ZNF69: variants seen among roughly 807,000 people sequenced by gnomAD.
ZNF69 encodes zinc finger protein 69, also known as ZNF3.
In ZNF69, 47 loss-of-function variants were observed where a neutral mutation model predicts 50.9. The observed-to-expected ratio is 0.92, with a 90% CI of 0.73 to 1.18. The LOEUF (loss-of-function observed/expected upper bound fraction) is 1.18, where lower values mean the gene tolerates loss of function less well. Among genes scored for constraint, ZNF69 ranks in the 50% most tolerant of loss-of-function variants. The pLI, the probability that ZNF69 is intolerant of heterozygous loss-of-function variation, is 0.00. For missense variants in ZNF69, 717 were observed against 675.1 expected (o/e 1.06, Z -0.69); for synonymous variants, 216 against 223.1 (o/e 0.97, Z 0.29).
chr19:11,974,069 T>TTTTCTTTCTTTCTTTTCTTTCTTTC, the ZNF69 span, among the ~76,000 whole-genome samples: 1 of 114,776 alleles, frequency 8.7e-6, no homozygotes, highest in African/African-American at 3.2e-5. Context: ...TCCTTCTTTC[T>TTTTCTTTCTTTCTTTTCTTTCTTTC]TTTCTTTCTT....
At chr19:11,888,021 G>T in intron 1 of ZNF69, 35 bp downstream of exon 1, 1 of 1,603,916 alleles carries the variant, frequency 6.2e-7, no homozygotes, top group Non-Finnish European at 8.5e-7. Flanking sequence ...TGAGACGGGG[G>T]AGGGGCTGCC....
chr19:11,928,668 C>A, the ZNF69 span, among the ~76,000 whole-genome samples: 1 of 143,192 alleles, frequency 7.0e-6, no homozygotes, highest in African/African-American at 2.7e-5. Flanking sequence ...GGAGGCGGAG[C>A]TTGCAGTGAG....
the ZNF69 span, among the ~76,000 whole-genome samples, chr19:11,934,497 GTTTTCTTTT>G: frequency 6.8e-6 from 1 of 148,016 alleles, no homozygotes; most frequent in Non-Finnish European, 1.5e-5. Flanking sequence ...CTGCCTCATT[GTTTTCTTTT>G]TTTTCTTTTT....
In ZNF69 at chr19:11,906,051, C is replaced by T. The variant is rs1349606373; in HGVS notation, c.1654C>T (p.His552Tyr). 1 of 1,613,068 alleles carries T rather than the reference C, an allele frequency of 6.2e-7. No individual in the cohort carries two copies. The highest frequency in any genetic ancestry group is 8.5e-7 in the Non-Finnish European group (1 of 1,179,668). Reference sequence around the variant, plus strand: ...CAGAGCTGCCTCAGTCCTTCGAATGCATGGTAGGACTCACCCTGAAGATAA... The same window carrying T: ...CAGAGCTGCCTCAGTCCTTCGAATGTATGGTAGGACTCACCCTGAAGATAA... ...AFRAASVLRM[H>Y]GRTHPEDKPY... is the part of the protein sequence containing the mutation. The change falls in exon 4 of 4, where the codon CAT (histidine) becomes TAT (tyrosine). Residue 552 changes from histidine (H) to tyrosine (Y), a missense_variant. By Grantham distance (83) the His-to-Tyr change is moderately conservative. Coordinates refer to ENST00000429654, the MANE Select transcript of ZNF69 (RefSeq NM_001364730.1).
the ZNF69 span, among the ~76,000 whole-genome samples, chr19:11,963,088 A>AGAGTGT: frequency 2.2e-5 from 3 of 138,248 alleles, no homozygotes; most frequent in African/African-American, 9.1e-5. Context: ...AGAGAGAGAG[A>AGAGTGT]GTGTGTGTGT....
chr19:11,963,717 C>A, the ZNF69 span, among the ~76,000 whole-genome samples: 1 of 152,150 alleles, frequency 6.6e-6, no homozygotes, highest in African/African-American at 2.4e-5. Context: ...TCTCTTCTCC[C>A]CAAGCGTCCT....
downstream of ZNF69, among the ~76,000 whole-genome samples, chr19:11,915,381 C>T (rs1184679136): frequency 6.6e-6 from 1 of 152,242 alleles, no homozygotes; most frequent in East Asian, 1.9e-4. Context: ...TGGCCAATGA[C>T]AATGACAATG....
intron 1 of ZNF69, among the ~76,000 whole-genome samples, chr19:11,898,385 CTTTTTTTT>C (rs745487579): frequency 3.3e-5 from 3 of 91,874 alleles, no homozygotes; most frequent in South Asian, 3.6e-4. Context: ...TTCCTCCTGG[CTTTTTTTT>C]TTTTTTTTTT....
At chr19:11,934,025 A>G in the ZNF69 span, among the ~76,000 whole-genome samples, 1 of 147,406 alleles carries the variant, frequency 6.8e-6, no homozygotes, top group Admixed American at 6.7e-5. Context: ...GGGTGTTACC[A>G]TAGTTTCTTT....
chr19:11,891,384 A>C (rs1001797893), intron 1 of ZNF69, among the ~76,000 whole-genome samples: 1 of 151,710 alleles, frequency 6.6e-6, no homozygotes, highest in Admixed American at 6.6e-5. Context: ...TAAAAAAAAA[A>C]AAAAAGAAAA....
rs769611143 is a variant in ZNF69 at position 11,904,614 on chromosome 19, C to T, written c.252-35C>T. 1.9e-6 allele frequency: 3 copies of T among 1,591,608 alleles called. No homozygotes were observed. In the Admixed American group the frequency reaches 5.8e-5, roughly 31 times the overall value. ...TGATTAATATAAAATTACTTATAAA[C>T]AAACCCTTTGTAATGTGCTTCTCAT... On this transcript the variant is annotated intron_variant, in intron 3 of 3. Transcript: ENST00000429654.
downstream of ZNF69, among the ~76,000 whole-genome samples, chr19:11,917,122 G>C (rs916322731): frequency 2.0e-5 from 3 of 152,248 alleles, no homozygotes; most frequent in African/African-American, 7.2e-5. Context: ...CATCTGCCAA[G>C]TGGGGCTGTG....
At chr19:11,932,973 C>G in the ZNF69 span, among the ~76,000 whole-genome samples, 13 of 148,522 alleles carry the variant, frequency 8.8e-5, 1 homozygote, top group African/African-American at 3.1e-4. Flanking sequence ...TATTTAAACT[C>G]AGTTATGAAC....
intron 3 of ZNF69, 106 bp downstream of exon 3, chr19:11,904,071 A>G (rs1407924523): frequency 7.3e-7 from 1 of 1,368,372 alleles, no homozygotes; most frequent in Non-Finnish European, 1.0e-6. Flanking sequence ...AAATACATTT[A>G]TTTTTAGAAT....
At chr19:11,953,808 A>G in the ZNF69 span, among the ~76,000 whole-genome samples, 3 of 152,206 alleles carry the variant, frequency 2.0e-5, no homozygotes, top group South Asian at 2.1e-4. Context: ...ATACCATAAC[A>G]TCACACTTTC....
the ZNF69 span, chr19:11,949,255 A>T: frequency 6.2e-7 from 1 of 1,614,148 alleles, no homozygotes; most frequent in African/African-American, 1.3e-5. Flanking sequence ...TCATGAAAGG[A>T]TTCACACTGG....
chr19:11,894,350 C>G (rs915643358), intron 1 of ZNF69, among the ~76,000 whole-genome samples: 1 of 152,246 alleles, frequency 6.6e-6, no homozygotes, highest in African/African-American at 2.4e-5. Context: ...CCATGTTAGC[C>G]AGGATGCTCT....
chr19:11,912,033 T>C (rs919586516), intron 4 of ZNF69, among the ~76,000 whole-genome samples: 1 of 152,090 alleles, frequency 6.6e-6, no homozygotes, highest in African/African-American at 2.4e-5. Flanking sequence ...ACCCTATGAG[T>C]GTAAGCAATG....
At chr19:11,919,138 G>A (rs761815611), downstream of ZNF69, among the ~76,000 whole-genome samples, 5 of 151,780 alleles carry the variant, frequency 3.3e-5, no homozygotes, top group Non-Finnish European at 7.4e-5. Context: ...CTCGTGATCC[G>A]CCTACCTTGG....
Sources: allele counts gnomAD v4.1 joint callset (sites outside exome capture counted in the v4.1 genomes callset), GRCh38; gene constraint gnomAD v4.1.1; transcripts MANE v1.5; gene names NCBI Gene and HGNC (gene_info 2026-07-23, HGNC 2026-07-21).